APH1A: variants seen among roughly 807,000 people sequenced by gnomAD.
APH1A encodes the protein aph-1A gamma-secretase subunit.
Under a neutral mutation model 30.3 loss-of-function variants are expected in APH1A, and 16 were observed. The ratio of observed to expected loss-of-function variants is 0.53; its 90% CI spans 0.36 to 0.80. The LOEUF (loss-of-function observed/expected upper bound fraction) is 0.80, where lower values mean the gene tolerates loss of function less well. Among genes scored for constraint, APH1A ranks in the 30% least tolerant of loss-of-function variants. The pLI is 0.01. For synonymous variants in APH1A, 144 were observed against 140.1 expected (o/e 1.03, Z -0.20); for missense variants, 245 against 337.8 (o/e 0.73, Z 2.15).
chr1:150,267,185 T>C lies in APH1A; in HGVS notation c.499A>G (p.Ile167Val). 1.9e-6 allele frequency: 3 copies of C among 1,614,144 alleles called. No individual in the cohort carries two copies. Among genetic ancestry groups the C allele is most frequent in the Non-Finnish European group, 2.5e-6 (3 of 1,180,032 alleles). ...CCCCAAAAGGTATGGAGCAGGATAA[T>C]GGCTGCTGTCAGAAAGGCTGCAGGG... ...FLTSAFLTAA[I>V]ILLHTFWGVV... The change falls in exon 5 of 7, where the codon ATT (isoleucine) becomes GTT (valine). Residue 167 changes from isoleucine (I) to valine (V), a missense_variant. Transcript: ENST00000369109.
At chr1:150,268,182 C>G in intron 1 of APH1A, 55 bp from the exon 2 acceptor site, 1 of 1,579,376 alleles carries the variant, frequency 6.3e-7, no homozygotes, top group Non-Finnish European at 8.6e-7. Flanking sequence ...CCAGAGAAAT[C>G]AAGGAGGGAA....
At chr1:150,267,923 C>T (rs1651875840) in intron 2 of APH1A, 34 bp downstream of exon 2, 1 of 1,612,896 alleles carries the variant, frequency 6.2e-7, no homozygotes, top group Admixed American at 1.7e-5. Flanking sequence ...CAGTCCTTTG[C>T]CCCTCTCCCC....
chr1:150,268,764 G>T lies in APH1A; in HGVS notation c.47C>A (p.Pro16Gln). 6.2e-7 allele frequency: 1 copy of T among 1,613,874 alleles called. No homozygotes were observed. Among genetic ancestry groups the T allele is most frequent in the Non-Finnish European group, 8.5e-7 (1 of 1,179,948 alleles). The change falls in exon 1 of 7, where the codon CCG (proline) becomes CAG (glutamine). Residue 16 changes from proline to glutamine, a missense_variant. Pro to Gln is a moderately conservative substitution (Grantham distance 76). Transcript: ENST00000369109. The part of the protein sequence containing the change: ...FFGCTFVAFG[P>Q]AFALFLITVA... ...AGTGATCAAGAAAAGCGCGAAGGCC[G>T]GGCCGAACGCGACGAAAGTGCAGCC...
intron 4 of APH1A, 23 bp from the exon 5 acceptor site, chr1:150,267,225 G>A (rs1439417351): frequency 6.2e-7 from 1 of 1,613,956 alleles, no homozygotes; most frequent in African/African-American, 1.3e-5. Context: ...AGATGGGGAG[G>A]AGATACATCC....
chr1:150,266,407 G>A (rs1651715047), intron 6 of APH1A, 126 bp downstream of exon 6: 1 of 1,538,620 alleles, frequency 6.5e-7, no homozygotes, highest in South Asian at 1.3e-5. Flanking sequence ...GAGGTAGTGG[G>A]GTAGACCGAC....
At position 150,267,727 on chromosome 1, in the gene APH1A, T is replaced by C. The variant is rs1195411253; in HGVS notation, c.347A>G (p.Gln116Arg). 4 of 1,576,904 alleles carry C rather than the reference T, an allele frequency of 2.5e-6. No individual in the cohort carries two copies. In the African/African-American group the frequency reaches 5.4e-5, roughly 21 times the overall value. Residue 116 changes from glutamine to arginine, a missense_variant, in exon 3 of 7, where the codon CAG becomes CGG. By Grantham distance (43) the Gln-to-Arg change is conservative. Transcript: ENST00000369109. ...CTCCCTTGGCTCACCATAGGCCATC[T>C]GGCGGATGGAGATGGGTGATCTTCC... ...EDGRSPISIR[Q>R]MAYVSGLSFG...
rs1037240845 is a variant in APH1A at position 150,268,097 on chromosome 1, C to T, written c.144G>A (p.Leu48=). 4 of 1,613,922 alleles carry T rather than the reference C, an allele frequency of 2.5e-6. No individual in the cohort carries two copies. The African/African-American group carries it at 5.3e-5, about 22-fold the overall frequency. The change falls in exon 2 of 7, where the codon CTG becomes CTA. Residue 48 remains leucine, a synonymous_variant. Transcript: ENST00000369109. ...CCAAGATGAACCAGACCACAGAGGC[C>T]AGGAGCAGGGAGACCAGCCAGAAAA... ...GAFFWLVSLL[L]ASVVWFILVH... is the part of the protein sequence containing the mutation.
chr1:150,266,224 G>C, intron 6 of APH1A, 30 bp from the exon 7 acceptor site: 1 of 1,581,170 alleles, frequency 6.3e-7, no homozygotes, highest in Non-Finnish European at 8.6e-7. Flanking sequence ...TGAGTCTTGG[G>C]CAGGGTGAGA....
intron 1 of APH1A, 51 bp downstream of exon 1, chr1:150,268,647 C>T: frequency 6.5e-7 from 1 of 1,549,686 alleles, no homozygotes; most frequent in Non-Finnish European, 8.8e-7. Flanking sequence ...CCAGCCCCTT[C>T]CGCACCTCTC....
In APH1A at chr1:150,266,439, G is replaced by C. The variant is rs1347693906; in HGVS notation, c.733+94C>G. 3.8e-6 allele frequency: 6 copies of C among 1,584,562 alleles called. No homozygotes were observed. In the Admixed American group the frequency reaches 1.0e-4, roughly 28 times the overall value. On this transcript the variant is annotated intron_variant, in intron 6 of 6. Coordinates refer to ENST00000369109, the MANE Select transcript of APH1A (RefSeq NM_001077628.3). ...CGACGAGAAGGAGACAGAGAATGTG[G>C]GCAATGGACCCGGGCTGGGGCTGGG... is the stretch of plus-strand genomic sequence containing the variant.
In APH1A at chr1:150,267,947, A is replaced by ATCT; in HGVS notation, c.284+7_284+9dup. 1 of 1,613,992 alleles carries ATCT rather than the reference A, an allele frequency of 6.2e-7. No homozygotes were observed. The highest frequency in any genetic ancestry group is 8.5e-7 in the Non-Finnish European group (1 of 1,179,950). ...GCCCCTCTCCCCTCCAGACCACTCC[A>ATCT]TCTTCTTACTTAAGCAGCTTGTAGT... On this transcript the variant is annotated intron_variant, in intron 2 of 6. Coordinates refer to ENST00000369109, the MANE Select transcript of APH1A (RefSeq NM_001077628.3).
Position 150,268,828 on chromosome 1 carries a change from G to A in APH1A, c.-18C>T, listed in dbSNP as rs782499175. On this transcript the variant is annotated 5_prime_UTR_variant, in exon 1 of 7. Coordinates refer to ENST00000369109, the MANE Select transcript of APH1A (RefSeq NM_001077628.3). ...GCCCCCATGGCTGGTCAGGTGGGAAGGGGGGTGGGGGCCTGACCAGGACAG... is the reference window on the plus strand; with the variant it reads ...GCCCCCATGGCTGGTCAGGTGGGAAAGGGGGTGGGGGCCTGACCAGGACAG... 4.4e-6 allele frequency: 7 copies of A among 1,602,420 alleles called. No homozygotes were observed. The highest frequency in any genetic ancestry group is 1.3e-5 in the African/African-American group (1 of 74,866).
chr1:150,267,221 G>A lies in APH1A; in HGVS notation c.482-19C>T. ...AGAAAGGCTGCAGGGAGGGAGATGG[G>A]GAGGAGATACATCCCTGATCTTCTC... On this transcript the variant is annotated intron_variant, in intron 4 of 6. Coordinates refer to ENST00000369109, the MANE Select transcript of APH1A (RefSeq NM_001077628.3). 1.2e-6 allele frequency: 2 copies of A among 1,614,154 alleles called. No homozygotes were observed. Among genetic ancestry groups the A allele is most frequent in the Non-Finnish European group, 1.7e-6 (2 of 1,180,008 alleles).
rs782206286 is a variant in APH1A at position 150,268,834 on chromosome 1, T to TG, written c.-25dup. The TG allele has an allele frequency of 1.3e-6, 2 of 1,586,918 alleles. No homozygotes were observed. Among genetic ancestry groups the TG allele is most frequent in the Middle Eastern group, 1.7e-4 (1 of 6,004 alleles). ...ATGGCTGGTCAGGTGGGAAGGGGGG[T>TG]GGGGGCCTGACCAGGACAGGCAAAT... On this transcript the variant is annotated 5_prime_UTR_variant, in exon 1 of 7. Transcript: ENST00000369109.
Position 150,268,893 on chromosome 1 carries a change from G to A in APH1A, c.-83C>T. ...CGCGCCAGCTGGGGAGTCCGCGTGG[G>A]GTGGCAACGCGACCCCACGAGGGGC... is the stretch of plus-strand genomic sequence containing the variant. On this transcript the variant is annotated 5_prime_UTR_variant, in exon 1 of 7. Transcript: ENST00000369109. 6 of 1,275,184 alleles carry A rather than the reference G, an allele frequency of 4.7e-6. No individual in the cohort carries two copies. The highest frequency in any genetic ancestry group is 6.6e-6 in the Non-Finnish European group (6 of 906,044). 79.0% of individuals were successfully genotyped at this position (1,275,184 alleles called of 1,614,324 possible).
rs782389296 is a variant in APH1A at position 150,266,579 on chromosome 1, G to A, written c.687C>T (p.Phe229=). 2 of 1,614,016 alleles carry A rather than the reference G, an allele frequency of 1.2e-6. No individual in the cohort carries two copies. Among genetic ancestry groups the A allele is most frequent in the African/African-American group, 1.3e-5 (1 of 74,908 alleles). The part of the protein sequence containing the change: ...AVTVSMGLWA[F]ITAGGSLRSI... ...TTCGGAGGGACCCTCCAGCTGTGAT[G>A]AAGGCCCAGAGCCCCATGGAAACAG... The change falls in exon 6 of 7, where the codon TTC becomes TTT. Residue 229 remains phenylalanine, a synonymous_variant. Transcript: ENST00000369109.
At chr1:150,266,341 C>T in intron 6 of APH1A, 147 bp from the exon 7 acceptor site, 1 of 1,484,528 alleles carries the variant, frequency 6.7e-7, no homozygotes, top group Non-Finnish European at 9.0e-7. Context: ...TGAACCCAGG[C>T]TGCTCCTGGT....
rs1037240845 is a variant in APH1A, at chr1:150,268,097, C to A, written c.144G>T (p.Leu48=). The change falls in exon 2 of 7, where the codon CTG becomes CTT. Residue 48 remains leucine, a synonymous_variant. Coordinates refer to ENST00000369109, the MANE Select transcript of APH1A (RefSeq NM_001077628.3). ...GAFFWLVSLL[L]ASVVWFILVH... Reference sequence around the variant, plus strand: ...CCAAGATGAACCAGACCACAGAGGCCAGGAGCAGGGAGACCAGCCAGAAAA... The same window carrying A: ...CCAAGATGAACCAGACCACAGAGGCAAGGAGCAGGGAGACCAGCCAGAAAA... 1.2e-6 allele frequency: 2 copies of A among 1,614,040 alleles called. No individual in the cohort carries two copies. The highest frequency in any genetic ancestry group is 3.3e-4 in the Middle Eastern group (2 of 6,056).
chr1:150,268,142 G>C lies in APH1A; in HGVS notation c.114-15C>G. ...AGAAAAATGCCCTGAGAAAAGACAG[G>C]GGCAGTGAGACAAGCAATAGTAGTG... On this transcript the variant is annotated splice_polypyrimidine_tract_variant and intron_variant, in intron 1 of 6. Transcript: ENST00000369109. 1 of 1,612,188 alleles carries C rather than the reference G, an allele frequency of 6.2e-7. No homozygotes were observed. The highest frequency in any genetic ancestry group is 1.7e-4 in the Middle Eastern group (1 of 5,842).
Sources: gnomAD v4.1 joint callset for allele counts on GRCh38, gnomAD v4.1.1 for gene constraint, MANE v1.5 for transcripts, NCBI Gene and HGNC (gene_info 2026-07-23, HGNC 2026-07-21) for gene names.